PLIN1: variants seen among roughly 807,000 people sequenced by gnomAD.
PLIN1 encodes perilipin-1.
Under a neutral mutation model 45.8 loss-of-function variants are expected in PLIN1, and 37 were observed. That is an observed-to-expected ratio of 0.81 (90% CI 0.62 to 1.06). PLIN1 has a LOEUF of 1.06. Among genes scored for constraint, PLIN1 ranks in the 50% least tolerant of loss-of-function variants. The pLI, the probability that PLIN1 is intolerant of heterozygous loss-of-function variation, is 0.00. For missense variants in PLIN1, 776 were observed against 716.5 expected, an observed-to-expected ratio of 1.08 and a Z score of -0.95; for synonymous variants, 340 against 309.2, an observed-to-expected ratio of 1.10 and a Z score of -1.05.
At position 89,673,321 on chromosome 15, in the gene PLIN1, C is replaced by A. The variant is rs1486084939; in HGVS notation, c.139G>T (p.Ala47Ser). 1.9e-6 allele frequency: 3 copies of A among 1,594,388 alleles called. No homozygotes were observed. The highest frequency in any genetic ancestry group is 1.7e-5 in the Admixed American group (1 of 57,478). The change falls in exon 3 of 9, where the codon GCC (alanine) becomes TCC (serine). Residue 47 changes from alanine to serine, a missense_variant. Physicochemically the swap from Ala to Ser is moderately conservative, Grantham distance 99 (BLOSUM62 1). Transcript: ENST00000300055. ...CACACAGAGGCCACCAGGGGGTGGG[C>A]TTCCTTAGTGCTGGTGTAGGTCTTC... ...FQKTYTSTKE[A>S]HPLVASVCNA...
chr15:89,665,617 C>T lies in PLIN1; in HGVS notation c.1535G>A (p.Arg512His). The change falls in exon 9 of 9, where the codon CGC becomes CAC. Residue 512 changes from arginine (R) to histidine (H), a missense_variant. By Grantham distance (29) the Arg-to-His change is conservative. Transcript: ENST00000300055. ...RPSVMEPILG[R>H]THYSQLRKKS is the part of the protein sequence containing the mutation. The stretch of plus-strand genomic sequence containing the variant: ...CTTGCGCAGCTGGCTGTAATGCGTG[C>T]GGCCCAGGATGGGCTCCATGACGCT... 1 of 1,527,618 alleles carries T rather than the reference C, an allele frequency of 6.5e-7. No individual in the cohort carries two copies. Among genetic ancestry groups the T allele is most frequent in the Non-Finnish European group, 8.8e-7 (1 of 1,139,770 alleles). The allele number at this position is 1,527,618 out of a possible 1,614,324, so 94.6% of individuals were successfully genotyped here. A position where few individuals can be genotyped will look rare whatever the true frequency, so the allele number is the denominator to read the frequency against.
At chr15:89,668,887 T>G (rs1254664946) in intron 6 of PLIN1, among the ~76,000 whole-genome samples, 1 of 152,204 alleles carries the variant, frequency 6.6e-6, no homozygotes, top group Non-Finnish European at 1.5e-5. Context: ...GCTTTAGTAT[T>G]GTTTTATTTT....
In PLIN1 at chr15:89,671,486, T is replaced by A; in HGVS notation, c.329A>T (p.Glu110Val). The A allele has an allele frequency of 6.4e-7, 1 of 1,567,658 alleles. No individual in the cohort carries two copies. The highest frequency in any genetic ancestry group is 1.2e-5 in the South Asian group (1 of 85,074). ...EKIPALQYPPEKIASELKDTI... is the reference protein window; with the variant it reads ...EKIPALQYPPVKIASELKDTI... ...CGAGAGGTGGGAAGGGCTCACCTTT[T>A]CAGGGGGGTACTGGAGGGCGGGGAT... The change falls in exon 4 of 9, where the codon GAA becomes GTA. Residue 110 changes from glutamate to valine, a missense_variant. Transcript: ENST00000300055.
intron 1 of PLIN1, 77 bp from the exon 2 acceptor site, chr15:89,677,580 G>T: frequency 8.1e-7 from 1 of 1,230,494 alleles, no homozygotes; most frequent in Non-Finnish European, 1.2e-6. Context: ...ACCTCTCATG[G>T]CCACCAACTA....
Position 89,674,544 on chromosome 15 carries a change from A to G in PLIN1, c.46-1130T>C, listed in dbSNP as rs74032468. Among the ~76,000 whole-genome samples, 847 of 152,264 alleles carry G rather than the reference A, an allele frequency of 5.6e-3. 10 individuals carry two copies. The highest frequency in any genetic ancestry group is 0.027 in the Middle Eastern group (8 of 294). The stretch of plus-strand genomic sequence containing the variant: ...GCCTAAGCCATTGCGCCCAGCCAAG[A>G]CTTATATTTGAATGTCTCCCTGAAT... On this transcript the variant is annotated intron_variant, in intron 2 of 8. Transcript: ENST00000300055.
At chr15:89,673,081 T>C in intron 3 of PLIN1, 129 bp downstream of exon 3, 1 of 723,442 alleles carries the variant, frequency 1.4e-6, no homozygotes, top group East Asian at 2.7e-5. Flanking sequence ...GACCATGCAA[T>C]GGGATGTGGG....
intron 6 of PLIN1, 40 bp from the exon 7 acceptor site, chr15:89,667,833 C>CT (rs1426882205): frequency 6.5e-7 from 1 of 1,541,648 alleles, no homozygotes; most frequent in Admixed American, 2.0e-5. Flanking sequence ...TCAACTGCCC[C>CT]TGCTGAAGGC....
Position 89,673,240 on chromosome 15 carries a change from C to T in PLIN1, c.220G>A (p.Glu74Lys). The stretch of plus-strand genomic sequence containing the variant: ...GTGGACAGCCTGCGGACCACCGGCT[C>T]CATGCTCCAGGCAGCCAAGCTACTG... Reference protein sequence around the residue: ...SASSLAAWSMEPVVRRLSTQF... With the variant: ...SASSLAAWSMKPVVRRLSTQF... Residue 74 changes from glutamate to lysine, a missense_variant, in exon 3 of 9, where the codon GAG (glutamate) becomes AAG (lysine). Physicochemically the swap from Glu to Lys is moderately conservative, Grantham distance 56 (BLOSUM62 1). Coordinates refer to ENST00000300055, the MANE Select transcript of PLIN1 (RefSeq NM_002666.5). 5.7e-6 allele frequency: 9 copies of T among 1,575,582 alleles called. No homozygotes were observed. Among genetic ancestry groups the T allele is most frequent in the Non-Finnish European group, 7.8e-6 (9 of 1,159,342 alleles).
At chr15:89,674,754 C>T (rs1348866367) in intron 2 of PLIN1, among the ~76,000 whole-genome samples, 2 of 152,036 alleles carry the variant, frequency 1.3e-5, no homozygotes, top group East Asian at 3.9e-4. Flanking sequence ...TTAGAAGTGC[C>T]GCCATCATGT....
At chr15:89,674,177 C>G (rs1415880760) in intron 2 of PLIN1, among the ~76,000 whole-genome samples, 1 of 152,204 alleles carries the variant, frequency 6.6e-6, no homozygotes, top group Non-Finnish European at 1.5e-5. Flanking sequence ...CCCAACTGCA[C>G]AGAATCACAG....
Position 89,665,008 on chromosome 15 carries a change from T to C in PLIN1, c.*575A>G, listed in dbSNP as rs1380028790. 6.8e-6 allele frequency: 3 copies of C among 444,410 alleles called. No individual in the cohort carries two copies. The East Asian group carries it at 2.1e-4, about 31-fold the overall frequency. The allele number at this position is 444,410 out of a possible 1,614,324, so 27.5% of individuals were successfully genotyped here. ...GCGGCGGGTACTCAGAAAGTGACAC[T>C]AGTATTTTAAATAAACACCCAAGAG... On this transcript the variant is annotated 3_prime_UTR_variant, in exon 9 of 9. Coordinates refer to ENST00000300055, the MANE Select transcript of PLIN1 (RefSeq NM_002666.5).
intron 1 of PLIN1, among the ~76,000 whole-genome samples, chr15:89,678,543 A>G (rs533000405): frequency 3.9e-5 from 6 of 152,136 alleles, no homozygotes; most frequent in Admixed American, 1.3e-4. Flanking sequence ...AGGAAATAAA[A>G]AATGCAGGTA....
intron 1 of PLIN1, 197 bp from the exon 2 acceptor site, chr15:89,677,700 T>A: frequency 1.6e-6 from 1 of 633,646 alleles, no homozygotes; most frequent in Non-Finnish European, 2.8e-6. Flanking sequence ...AATGAGTTGC[T>A]CCATAGCTTA....
At chr15:89,677,247 C>CT (rs910359617) in intron 2 of PLIN1, 198 bp downstream of exon 2, 16 of 625,816 alleles carry the variant, frequency 2.6e-5, no homozygotes, top group Non-Finnish European at 4.3e-5. Flanking sequence ...TAATAGGCAT[C>CT]TTTTTTTCCC....
chr15:89,667,657 C>G lies in PLIN1; in HGVS notation c.908G>C (p.Gly303Ala), dbSNP rs1964371225. Residue 303 changes from glycine to alanine, a missense_variant, in exon 7 of 9, where the codon GGA becomes GCA. Physicochemically the swap from Gly to Ala is moderately conservative, Grantham distance 60. Transcript: ENST00000300055. ...TTCTTCCTCCTCCTCCGTGTCCTCT[C>G]CCTCCGTGTCTGTCTGGTCCTCATG... The part of the protein sequence containing the change: ...EDHEDQTDTE[G>A]EDTEEEEELE... The G allele has an allele frequency of 8.1e-6, 13 of 1,608,936 alleles. No individual in the cohort carries two copies. Among genetic ancestry groups the G allele is most frequent in the Non-Finnish European group, 8.5e-6 (10 of 1,177,258 alleles).
At chr15:89,666,007 GC>G (rs1454160905) in intron 8 of PLIN1, 65 bp from the exon 9 acceptor site, 2 of 1,224,898 alleles carry the variant, frequency 1.6e-6, no homozygotes, top group Non-Finnish European at 2.2e-6. Flanking sequence ...CTGACCCACC[GC>G]CCCTTCCCGG....
chr15:89,677,802 G>A (rs1265164131), intron 1 of PLIN1: 2 of 350,066 alleles, frequency 5.7e-6, no homozygotes, highest in Non-Finnish European at 1.1e-5. Flanking sequence ...CCAGGCTGGA[G>A]TGTAGTTGCA....
chr15:89,671,253 C>G (rs1358110917), intron 4 of PLIN1, among the ~76,000 whole-genome samples: 1 of 152,164 alleles, frequency 6.6e-6, no homozygotes, highest in African/African-American at 2.4e-5. Flanking sequence ...TTGGGTTTGC[C>G]TCTGGGCTCG....
At chr15:89,674,129 C>T (rs533302427) in intron 2 of PLIN1, among the ~76,000 whole-genome samples, 1 of 152,354 alleles carries the variant, frequency 6.6e-6, no homozygotes, top group Admixed American at 6.5e-5. Flanking sequence ...GAACCACAGT[C>T]AGGGCTGTGC....
Sources: allele counts gnomAD v4.1 joint callset (sites outside exome capture counted in the v4.1 genomes callset), GRCh38; gene constraint gnomAD v4.1.1; transcripts MANE v1.5; gene names NCBI Gene and HGNC (gene_info 2026-07-23, HGNC 2026-07-21).